MYBPC2: variants seen among roughly 807,000 people sequenced by gnomAD.
The protein encoded by MYBPC2 is myosin binding protein C2, also known as myosin-binding protein C, fast-type.
MYBPC2 carries 122 observed loss-of-function variants against 137.0 expected under a neutral mutation model. That is an observed-to-expected ratio of 0.89 (90% CI 0.77 to 1.03). MYBPC2 has a LOEUF of 1.03. Ranked by LOEUF, MYBPC2 falls within the 50% of genes least tolerant of loss-of-function variation. MYBPC2 has a pLI of 0.00. For synonymous variants in MYBPC2, 626 were observed against 612.3 expected (o/e 1.02, Z -0.33); for missense variants, 1,500 against 1,534.4 (o/e 0.98, Z 0.37).
chr19:50,458,474 G>A, intron 20 of MYBPC2, 113 bp from the exon 21 acceptor site: 1 of 1,269,570 alleles, frequency 7.9e-7, no homozygotes, highest in Non-Finnish European at 1.1e-6. Flanking sequence ...GCTTCTACTG[G>A]GAACTTACTC....
rs114168237 is a variant in MYBPC2, at chr19:50,435,293, T to A, written c.109+43T>A. On this transcript the variant is annotated intron_variant, in intron 2 of 27. Transcript: ENST00000357701. The surrounding 1 kb of genome is among the most constrained non-coding windows in gnomAD (Gnocchi z 4.8). ...CGGGCTCAACCGACCTGGCTTCTCA[T>A]CTCCATCCTCCTCGCTACGCCTCTC... is the stretch of plus-strand genomic sequence containing the variant. The A allele has an allele frequency of 1.5e-3, 1,110 of 739,618 alleles. 3 individuals are homozygous for A. The African/African-American group carries it at 0.016, about 11-fold the overall frequency. The allele number at this position is 739,618 out of a possible 1,614,324, so 45.8% of individuals were successfully genotyped here.
At chr19:50,461,803 C>T in intron 25 of MYBPC2, 97 bp from the exon 26 acceptor site, 1 of 1,584,626 alleles carries the variant, frequency 6.3e-7, no homozygotes, top group African/African-American at 1.3e-5. Context: ...GTTGACGGCA[C>T]CTAGTCATGG....
intron 16 of MYBPC2, among the ~76,000 whole-genome samples, chr19:50,452,480 GTA>G (rs2039868702): frequency 2.5e-5 from 3 of 121,186 alleles, no homozygotes; most frequent in African/African-American, 9.5e-5. Context: ...ATGTATGTAT[GTA>G]TGTATGTATG....
At chr19:50,448,412 T>C (rs1353713804) in intron 13 of MYBPC2, 22 bp downstream of exon 13, 3 of 1,610,718 alleles carry the variant, frequency 1.9e-6, no homozygotes, top group Non-Finnish European at 2.5e-6. Flanking sequence ...GCTGCAGAAG[T>C]GGCTGGGGGT....
At position 50,438,051 on chromosome 19, in the gene MYBPC2, C is replaced by G. The variant is rs73935712; in HGVS notation, c.572+333C>G. 6.2e-3 allele frequency among the ~76,000 whole-genome samples: 949 copies of G among 152,232 alleles called. 12 individuals carry two copies. The highest frequency in any genetic ancestry group is 0.022 in the African/African-American group (900 of 41,526). ...TCTAGTTCACCTATGCCTCCACCTA[C>G]TCACCCTCCCATCCATCCATCCCTC... On this transcript the variant is annotated intron_variant, in intron 7 of 27. Transcript: ENST00000357701.
chr19:50,461,520 T>G (rs1418619586), intron 24 of MYBPC2, 22 bp from the exon 25 acceptor site: 1 of 1,609,740 alleles, frequency 6.2e-7, no homozygotes, highest in Non-Finnish European at 8.5e-7. Context: ...ACCCGCCTGG[T>G]CCCTCCCTGT....
At chr19:50,437,450 CTT>C in intron 5 of MYBPC2, 21 bp from the exon 6 acceptor site, 1 of 1,606,412 alleles carries the variant, frequency 6.2e-7, no homozygotes, top group Non-Finnish European at 8.5e-7. Flanking sequence ...CTCACCTTCC[CTT>C]CTCTCATCAC....
chr19:50,450,727 G>A (rs2039847670), intron 13 of MYBPC2, 102 bp from the exon 14 acceptor site: 1 of 762,518 alleles, frequency 1.3e-6, no homozygotes, highest in Admixed American at 2.5e-5. Flanking sequence ...TAAGAATGCA[G>A]GCATGTGGAC....
intron 16 of MYBPC2, 22 bp downstream of exon 16, chr19:50,452,025 GT>G: frequency 6.5e-7 from 1 of 1,550,178 alleles, no homozygotes; most frequent in Middle Eastern, 1.7e-4. Context: ...CCGCCCCTCT[GT>G]CCTCACTCCC....
At chr19:50,441,191 C>A in intron 8 of MYBPC2, 115 bp downstream of exon 8, 2 of 1,147,542 alleles carry the variant, frequency 1.7e-6, no homozygotes, top group Non-Finnish European at 2.4e-6. Context: ...AGGTAGGAGG[C>A]AAGACCCAAC....
Position 50,455,586 on chromosome 19 carries a change from G to A in MYBPC2, c.2280G>A (p.Pro760=), listed in dbSNP as rs375654137. The change falls in exon 20 of 28, where the codon CCG becomes CCA. Residue 760 remains proline, a synonymous_variant. Coordinates refer to ENST00000357701, the MANE Select transcript of MYBPC2 (RefSeq NM_004533.4). ...CCACCACACTCAAGTGGAGGCCTCC[G>A]AACAGGATCGGGGCAGGTGGCATCG... The part of the protein sequence containing the change: ...DTTTTLKWRP[P]NRIGAGGIDG... 3.3e-5 allele frequency: 54 copies of A among 1,613,980 alleles called. No homozygotes were observed. The highest frequency in any genetic ancestry group is 1.1e-4 in the East Asian group (5 of 44,882).
intron 12 of MYBPC2, among the ~76,000 whole-genome samples, chr19:50,447,717 C>T (rs1018662122): frequency 9.9e-5 from 15 of 151,938 alleles, no homozygotes; most frequent in African/African-American, 3.4e-4. Context: ...ATTAGCCAGG[C>T]GTGGTGGTGC....
At chr19:50,452,853 C>T (rs1383587382) in intron 16 of MYBPC2, among the ~76,000 whole-genome samples, 2 of 152,072 alleles carry the variant, frequency 1.3e-5, no homozygotes, top group African/African-American at 4.8e-5. Flanking sequence ...CCAACATGCC[C>T]AGCCATATCT....
rs2039996844 is a variant in MYBPC2, at chr19:50,464,437, T to TCCGTCGC, written c.3323_3329dup (p.Phe1113LeufsTer22). 1 of 1,611,850 alleles carries TCCGTCGC rather than the reference T, an allele frequency of 6.2e-7. No individual in the cohort carries two copies. Among genetic ancestry groups the TCCGTCGC allele is most frequent in the African/African-American group, 1.3e-5 (1 of 75,006 alleles). ...TACCAAGGAGTCCTGACGCTGAACA[T>TCCGTCGC]CCGTCGCCCCTCGCCCTTCGACGCT... On this transcript the variant is annotated frameshift_variant, in exon 27 of 28. Transcript: ENST00000357701. LOFTEE classifies it high-confidence loss of function.
In MYBPC2 at chr19:50,458,977, G is replaced by A. The variant is rs775430016; in HGVS notation, c.2566G>A (p.Glu856Lys). The A allele has an allele frequency of 6.8e-6, 11 of 1,612,526 alleles. No individual in the cohort carries two copies. Among genetic ancestry groups the A allele is most frequent in the African/African-American group, 5.3e-5 (4 of 74,908 alleles). Residue 856 changes from glutamate to lysine, a missense_variant, in exon 22 of 28, where the codon GAG becomes AAG. Transcript: ENST00000357701. ...LRQTYIRKVG[E>K]QLNLVVPFQG... ...CCAGACCTACATCCGCAAAGTGGGC[G>A]AGCAGCTCAACCTTGTCGTCCCCTT...
Position 50,452,484 on chromosome 19 carries a change from GTATGTATGTATGTATGTATGTATGTATC to G in MYBPC2, c.1749+485_1749+512del, listed in dbSNP as rs1347815619. Among the ~76,000 whole-genome samples the G allele has an allele frequency of 6.0e-5, 6 of 99,506 alleles. No homozygotes were observed. The East Asian group carries it at 1.4e-3, about 23-fold the overall frequency. The allele number at this position is 99,506 out of a possible 152,430, so 65.3% of individuals were successfully genotyped here. A position where few individuals can be genotyped will look rare whatever the true frequency, so the allele number is the denominator to read the frequency against. ...TGTATCTGTGTATGTATGTATGTAT[GTATGTATGTATGTATGTATGTATGTATC>G]TATCTATCTATCTATCTATCTATCT... is the stretch of plus-strand genomic sequence containing the variant. On this transcript the variant is annotated intron_variant, in intron 16 of 27. Transcript: ENST00000357701.
chr19:50,464,121 G>A lies in MYBPC2; in HGVS notation c.3229-225G>A, dbSNP rs1484712422. Reference sequence around the variant, plus strand: ...GGCCACTACAAACAGTGAGCTCTTTGTCCTGAGAGCAATGGGAAGACCCCA... The same window carrying A: ...GGCCACTACAAACAGTGAGCTCTTTATCCTGAGAGCAATGGGAAGACCCCA... On this transcript the variant is annotated intron_variant, in intron 26 of 27. Transcript: ENST00000357701. The A allele has an allele frequency of 1.1e-5, 5 of 467,252 alleles. No homozygotes were observed. In the Admixed American group the frequency reaches 1.4e-4, roughly 14 times the overall value. The allele number at this position is 467,252 out of a possible 1,614,324, so 28.9% of individuals were successfully genotyped here.
chr19:50,460,537 C>T (rs926821647), intron 24 of MYBPC2, among the ~76,000 whole-genome samples: 1 of 152,132 alleles, frequency 6.6e-6, no homozygotes, highest in African/African-American at 2.4e-5. Context: ...TGGCAGCCAC[C>T]GATTTGCTTT....
chr19:50,452,457 T>C lies in MYBPC2; in HGVS notation c.1749+454T>C, dbSNP rs56819781. Among the ~76,000 whole-genome samples the C allele has an allele frequency of 7.8e-3, 1,191 of 152,186 alleles. 12 individuals carry two copies. The highest frequency in any genetic ancestry group is 0.027 in the African/African-American group (1,129 of 41,486). ...TAATCTATCTATCTGTCTATCTATC[T>C]ATGTATCTGTGTATGTATGTATGTA... On this transcript the variant is annotated intron_variant, in intron 16 of 27. Transcript: ENST00000357701.
Sources: allele counts gnomAD v4.1 joint callset (sites outside exome capture counted in the v4.1 genomes callset), GRCh38; gene constraint gnomAD v4.1.1; non-coding constraint Gnocchi (gnomAD v3.1); transcripts MANE v1.5; gene names NCBI Gene and HGNC (gene_info 2026-07-23, HGNC 2026-07-21).